The following FGF1 variants were observed in gnomAD, a reference collection of about 807,000 sequenced individuals.
FGF1 encodes fibroblast growth factor 1.
A neutral mutation model predicts 13.4 loss-of-function variants in FGF1; 9 were observed. That is an observed-to-expected ratio of 0.67 (90% CI 0.40 to 1.17). The LOEUF is 1.17. FGF1 is among the 50% of genes most tolerant of loss of function. The pLI, the probability that FGF1 is intolerant of heterozygous loss-of-function variation, is 0.01. For synonymous variants in FGF1, 93 were observed against 79.0 expected, an observed-to-expected ratio of 1.18 and a Z score of -0.94; for missense variants, 156 against 192.7, an observed-to-expected ratio of 0.81 and a Z score of 1.13.
intron 1 of FGF1, among the ~76,000 whole-genome samples, chr5:142,681,905 A>G (rs956898524): frequency 6.6e-6 from 1 of 152,198 alleles, no homozygotes; most frequent in Non-Finnish European, 1.5e-5. Context: ...CAAGGGCTCA[A>G]TAAATGTTGG....
In FGF1 at chr5:142,650,171, T is replaced by C. The variant is rs141684222; in HGVS notation, c.-35+35786A>G. On this transcript the variant is annotated intron_variant, in intron 1 of 3. Transcript: ENST00000337706. The stretch of plus-strand genomic sequence containing the variant: ...TCCTCTGAGAAGGAGAAGGGGAAAG[T>C]GGAGTAAGGGCGTGCAGGGGGAGGG... Among the ~76,000 whole-genome samples the C allele has an allele frequency of 3.2e-3, 483 of 152,142 alleles. 3 individuals carry two copies. Among genetic ancestry groups the C allele is most frequent in the African/African-American group, 0.01 (423 of 41,496 alleles).
At chr5:142,651,000 GA>G (rs1365846218) in intron 1 of FGF1, among the ~76,000 whole-genome samples, 3 of 152,142 alleles carry the variant, frequency 2.0e-5, no homozygotes, top group Admixed American at 2.0e-4. Context: ...CACCCACTGA[GA>G]GCCAAGTGTG....
intron 2 of FGF1, among the ~76,000 whole-genome samples, chr5:142,695,581 C>CAAAAAAAA (rs1202362613): frequency 1.6e-4 from 19 of 117,254 alleles, no homozygotes; most frequent in Non-Finnish European, 2.4e-4. Context: ...GACTCTGTAT[C>CAAAAAAAA]AAAAAGAAAA....
chr5:142,618,916 TTTTAGTTG>T, intron 1 of FGF1, among the ~76,000 whole-genome samples: 1 of 138,296 alleles, frequency 7.2e-6, no homozygotes. Flanking sequence ...GACATTTATT[TTTTAGTTG>T]TTTTGTTTTT....
chr5:142,631,016 C>T (rs552461688), intron 1 of FGF1, among the ~76,000 whole-genome samples: 3 of 152,294 alleles, frequency 2.0e-5, no homozygotes, highest in Admixed American at 6.5e-5. Context: ...AGCCCTCAAA[C>T]GATGGCCAGC....
Position 142,620,155 on chromosome 5 carries a change from C to T in FGF1, c.-34-5994G>A, listed in dbSNP as rs145338871. Among the ~76,000 whole-genome samples the T allele has an allele frequency of 3.9e-3, 597 of 151,920 alleles. 5 individuals carry two copies. The highest frequency in any genetic ancestry group is 0.013 in the African/African-American group (518 of 41,360). The stretch of plus-strand genomic sequence containing the variant: ...AAACTCGGCTGGGCGCGGTGGCTCA[C>T]GCCTGTAATCCCACCACTTTGGGAG... On this transcript the variant is annotated intron_variant, in intron 1 of 3. Coordinates refer to ENST00000337706, the MANE Select transcript of FGF1 (RefSeq NM_000800.5).
At chr5:142,656,329 C>G (rs1005957955) in intron 1 of FGF1, among the ~76,000 whole-genome samples, 17 of 149,608 alleles carry the variant, frequency 1.1e-4, no homozygotes, top group East Asian at 2.0e-4. Flanking sequence ...AATATAGTAA[C>G]CCACAATATC....
chr5:142,694,632 C>T (rs10477190), intron 2 of FGF1, among the ~76,000 whole-genome samples: 35,736 of 152,080 alleles, frequency 0.23, 5,057 homozygotes, highest in African/African-American at 0.4. Context: ...AGGACCCCAG[C>T]TTGGTCACCC....
intron 3 of FGF1, among the ~76,000 whole-genome samples, chr5:142,596,165 T>A (rs963572393): frequency 6.6e-6 from 1 of 152,248 alleles, no homozygotes; most frequent in Non-Finnish European, 1.5e-5. Flanking sequence ...ATAAAAAGAA[T>A]CTTATAAATA....
chr5:142,678,183 T>G (rs1169219284), intron 1 of FGF1, among the ~76,000 whole-genome samples: 1 of 152,140 alleles, frequency 6.6e-6, no homozygotes, highest in Non-Finnish European at 1.5e-5. Context: ...CTGTCTACTT[T>G]CTCACCTTCC....
chr5:142,626,807 G>C (rs992480044), intron 1 of FGF1: 6 of 152,282 alleles, frequency 3.9e-5, no homozygotes, highest in Admixed American at 1.3e-4. Flanking sequence ...GATGAAGGGT[G>C]GGGGAGAGGC....
At chr5:142,627,648 CGCAGGAAGCAGGCAGGGGA>C (rs1561600439) in intron 1 of FGF1, among the ~76,000 whole-genome samples, 1 of 152,176 alleles carries the variant, frequency 6.6e-6, no homozygotes, top group African/African-American at 2.4e-5. Flanking sequence ...CCAAGCACCA[CGCAGGAAGCAGGCAGGGGA>C]GCAGGGCCCA....
intron 1 of FGF1, among the ~76,000 whole-genome samples, chr5:142,630,448 A>G (rs1045294541): frequency 6.6e-6 from 1 of 151,890 alleles, no homozygotes; most frequent in African/African-American, 2.4e-5. Flanking sequence ...CCCTCCCATC[A>G]CTTTTACACA....
At chr5:142,630,630 C>T (rs887558750) in intron 1 of FGF1, among the ~76,000 whole-genome samples, 6 of 152,182 alleles carry the variant, frequency 3.9e-5, no homozygotes, top group African/African-American at 1.4e-4. Flanking sequence ...CCCTCTATTC[C>T]AGCCACTGCA....
At chr5:142,612,153 T>C (rs1759195986) in intron 2 of FGF1, among the ~76,000 whole-genome samples, 1 of 152,232 alleles carries the variant, frequency 6.6e-6, no homozygotes. Context: ...CAGGGCTACG[T>C]TGTGCTGCTT....
chr5:142,635,841 G>A (rs563317619), intron 1 of FGF1, among the ~76,000 whole-genome samples: 1 of 152,356 alleles, frequency 6.6e-6, no homozygotes, highest in South Asian at 2.1e-4. Flanking sequence ...GAAGAAAGCA[G>A]TGCAGCCTAG....
At chr5:142,675,717 G>A (rs1772433996) in intron 1 of FGF1, among the ~76,000 whole-genome samples, 1 of 152,196 alleles carries the variant, frequency 6.6e-6, no homozygotes, top group African/African-American at 2.4e-5. Context: ...CCCAACAAGG[G>A]AGGGTGGAGC....
chr5:142,617,458 TA>T (rs891188334), intron 1 of FGF1, among the ~76,000 whole-genome samples: 1 of 152,092 alleles, frequency 6.6e-6, no homozygotes, highest in African/African-American at 2.4e-5. Flanking sequence ...TTTCACTGGC[TA>T]AATAACCTCA....
intron 1 of FGF1, among the ~76,000 whole-genome samples, chr5:142,663,720 T>G (rs1769748924): frequency 6.6e-6 from 1 of 152,186 alleles, no homozygotes; most frequent in African/African-American, 2.4e-5. Flanking sequence ...AACCTCTTCG[T>G]TCCACCTCTC....
Sources: allele counts gnomAD v4.1 joint callset (sites outside exome capture counted in the v4.1 genomes callset), GRCh38; gene constraint gnomAD v4.1.1; transcripts MANE v1.5; gene names NCBI Gene and HGNC (gene_info 2026-07-23, HGNC 2026-07-21).